The following TBC1D1 variants were observed in gnomAD, a reference collection of about 807,000 sequenced individuals.
TBC1D1 encodes TBC1 (tre-2/USP6, BUB2, cdc16) domain family, member 1.
A neutral mutation model predicts 125.6 loss-of-function variants in TBC1D1; 89 were observed. The ratio of observed to expected loss-of-function variants is 0.71; its 90% CI spans 0.60 to 0.85. TBC1D1 has a LOEUF of 0.85. TBC1D1 is among the 40% of genes least tolerant of loss of function. TBC1D1 has a pLI of 0.00. For synonymous variants in TBC1D1, 565 were observed against 564.1 expected (o/e 1.00, Z -0.02); for missense variants, 1,377 against 1,469.2 (o/e 0.94, Z 1.03).
chr4:37,980,714 G>C (rs1734177785), intron 2 of TBC1D1, among the ~76,000 whole-genome samples: 1 of 152,142 alleles, frequency 6.6e-6, no homozygotes, highest in Non-Finnish European at 1.5e-5. Context: ...TGTGTATTAA[G>C]TATTTACCTT....
intron 12 of TBC1D1, among the ~76,000 whole-genome samples, chr4:38,074,692 A>C (rs1477321055): frequency 6.6e-6 from 1 of 151,950 alleles, no homozygotes; most frequent in African/African-American, 2.4e-5. Context: ...TAATGATGCC[A>C]CATGGAAGCT....
At chr4:37,894,163 G>GT (rs1714030973) in intron 1 of TBC1D1, among the ~76,000 whole-genome samples, 1 of 151,814 alleles carries the variant, frequency 6.6e-6, no homozygotes, top group Non-Finnish European at 1.5e-5. Flanking sequence ...TAAATTTTGT[G>GT]TTTTTAGTAG....
chr4:38,043,383 A>C (rs1748771773), intron 8 of TBC1D1, among the ~76,000 whole-genome samples: 1 of 151,596 alleles, frequency 6.6e-6, no homozygotes, highest in Non-Finnish European at 1.5e-5. Context: ...AGATCACTTG[A>C]GCTCAGGAGT....
intron 7 of TBC1D1, among the ~76,000 whole-genome samples, chr4:38,032,378 C>T (rs973315417): frequency 1.3e-5 from 2 of 152,138 alleles, no homozygotes; most frequent in African/African-American, 4.8e-5. Flanking sequence ...TTTGTGTCTG[C>T]CTCCAGGTAA....
intron 2 of TBC1D1, among the ~76,000 whole-genome samples, chr4:37,951,190 A>G (rs1182789369): frequency 6.6e-6 from 1 of 152,244 alleles, no homozygotes; most frequent in African/African-American, 2.4e-5. Context: ...AACACAAAGA[A>G]TTCCTGTCTT....
chr4:38,104,449 G>A (rs886069358), intron 15 of TBC1D1, among the ~76,000 whole-genome samples: 10 of 152,194 alleles, frequency 6.6e-5, no homozygotes, highest in African/African-American at 2.4e-4. Context: ...TTTGCCTGCC[G>A]CCTATCACCC....
chr4:38,003,520 C>T (rs1453065253), intron 2 of TBC1D1, among the ~76,000 whole-genome samples: 2 of 152,044 alleles, frequency 1.3e-5, no homozygotes, highest in Non-Finnish European at 2.9e-5. Flanking sequence ...ATTTATTATT[C>T]GTTCTGTACT....
chr4:38,095,533 C>T (rs1384640313), intron 13 of TBC1D1, among the ~76,000 whole-genome samples: 1 of 152,148 alleles, frequency 6.6e-6, no homozygotes, highest in East Asian at 1.9e-4. Context: ...TGGAGTGCCT[C>T]TCCTAGTTTA....
In TBC1D1 at chr4:38,052,186, TGTGTGTGTGCGCGCGC is replaced by T. The variant is rs1234487545; in HGVS notation, c.1911-2004_1911-1989del. 79 of 601,634 alleles carry T rather than the reference TGTGTGTGTGCGCGCGC, an allele frequency of 1.3e-4. No individual in the cohort carries two copies. The African/African-American group carries it at 1.6e-3, about 12-fold the overall frequency. 37.3% of individuals were successfully genotyped at this position (601,634 alleles called of 1,614,324 possible). Reference sequence around the variant, plus strand: ...GAGCCACTGTGTGTGTGTGTGTGTGTGTGTGTGTGCGCGCGCGTGTGTGTCTTTGTTTATATTTTGT... The same window carrying T: ...GAGCCACTGTGTGTGTGTGTGTGTGTGTGTGTGTCTTTGTTTATATTTTGT... On this transcript the variant is annotated intron_variant, in intron 11 of 19. Transcript: ENST00000261439.
chr4:38,053,123 C>T (rs765340599), intron 11 of TBC1D1: 55 of 1,521,074 alleles, frequency 3.6e-5, no homozygotes, highest in Non-Finnish European at 4.6e-5. Flanking sequence ...TACCGTAATG[C>T]CCTGCGGAAA....
At chr4:37,971,484 G>A (rs182966195) in intron 2 of TBC1D1, among the ~76,000 whole-genome samples, 9 of 152,258 alleles carry the variant, frequency 5.9e-5, no homozygotes, top group Admixed American at 3.3e-4. Context: ...TCACTACCAT[G>A]AGAACAGGAT....
intron 2 of TBC1D1, among the ~76,000 whole-genome samples, chr4:37,941,095 A>G (rs10004366): frequency 0.019 from 2,873 of 152,292 alleles, 96 homozygotes; most frequent in African/African-American, 0.066. Flanking sequence ...TTCAGAAGGA[A>G]TGGTACCAGC....
Position 38,115,796 on chromosome 4 carries a change from C to T in TBC1D1, c.2644C>T (p.Leu882Phe), listed in dbSNP as rs1439232074. The change falls in exon 16 of 20, where the codon CTT becomes TTT. Residue 882 changes from leucine to phenylalanine, a missense_variant. Leu to Phe is a conservative substitution (Grantham distance 22). Transcript: ENST00000261439. ...TTACAACATTTTGAAGGCCTACTCA[C>T]TTCTAGACCAGGAAGTGGGATATTG... 1 of 1,614,198 alleles carries T rather than the reference C, an allele frequency of 6.2e-7. No homozygotes were observed. Among genetic ancestry groups the T allele is most frequent in the Non-Finnish European group, 8.5e-7 (1 of 1,180,034 alleles).
At chr4:38,067,118 G>A (rs930607234) in intron 12 of TBC1D1, among the ~76,000 whole-genome samples, 1 of 151,910 alleles carries the variant, frequency 6.6e-6, no homozygotes, top group Non-Finnish European at 1.5e-5. Context: ...TTTGTGATCT[G>A]CCCGCCTCGG....
chr4:38,090,717 C>G (rs1253884788), intron 13 of TBC1D1, among the ~76,000 whole-genome samples: 1 of 152,144 alleles, frequency 6.6e-6, no homozygotes, highest in Non-Finnish European at 1.5e-5. Flanking sequence ...GCTTAAGATG[C>G]AAAGTTTACA....
intron 2 of TBC1D1, among the ~76,000 whole-genome samples, chr4:38,009,218 A>G (rs1740962729): frequency 6.6e-6 from 1 of 152,248 alleles, no homozygotes; most frequent in Non-Finnish European, 1.5e-5. Flanking sequence ...GACAATGATT[A>G]CGTAGCATTT....
At chr4:38,076,294 G>A (rs1755583796) in intron 12 of TBC1D1, among the ~76,000 whole-genome samples, 2 of 152,196 alleles carry the variant, frequency 1.3e-5, no homozygotes, top group African/African-American at 4.8e-5. Context: ...AGAACAGGAT[G>A]GGGGAAACTG....
At chr4:38,122,251 A>G (rs1763972090) in intron 17 of TBC1D1, among the ~76,000 whole-genome samples, 1 of 152,198 alleles carries the variant, frequency 6.6e-6, no homozygotes, top group Admixed American at 6.5e-5. Flanking sequence ...TCTCATTAAC[A>G]TCATCTCCTT....
chr4:37,938,960 A>G (rs1408458377), intron 2 of TBC1D1, among the ~76,000 whole-genome samples: 3 of 152,146 alleles, frequency 2.0e-5, no homozygotes, highest in Admixed American at 6.5e-5. Flanking sequence ...AGTCTTTGCT[A>G]TTGTGAATAG....
Sources: gnomAD v4.1 joint callset for allele counts (sites outside exome capture counted in the v4.1 genomes callset) on GRCh38, gnomAD v4.1.1 for gene constraint, MANE v1.5 for transcripts, NCBI Gene and HGNC (gene_info 2026-07-23, HGNC 2026-07-21) for gene names.